INTS3: variants seen among roughly 807,000 people sequenced by gnomAD.
INTS3 encodes the protein SOSS complex subunit A.
INTS3 carries 34 observed loss-of-function variants against 146.3 expected under a neutral mutation model. The ratio of observed to expected loss-of-function variants is 0.23; its 90% CI spans 0.18 to 0.31. The LOEUF (loss-of-function observed/expected upper bound fraction) is 0.31, where lower values mean the gene tolerates loss of function less well. INTS3 is among the 10% of genes least tolerant of loss of function. The pLI, the probability that INTS3 is intolerant of heterozygous loss-of-function variation, is 1.00. For missense variants in INTS3, 757 were observed against 1,304.2 expected (o/e 0.58, Z 6.46); for synonymous variants, 475 against 494.9 (o/e 0.96, Z 0.53).
At chr1:153,767,867 G>A in intron 21 of INTS3, 40 bp downstream of exon 21, 1 of 1,555,124 alleles carries the variant, frequency 6.4e-7, no homozygotes, top group South Asian at 1.2e-5. Context: ...GGGGCTCACA[G>A]GAACACACCT....
intron 1 of INTS3, among the ~76,000 whole-genome samples, chr1:153,738,256 G>A (rs1384773447): frequency 1.3e-5 from 2 of 151,938 alleles, no homozygotes; most frequent in Non-Finnish European, 2.9e-5. Context: ...GCACAACCAT[G>A]CTCAGCTAAT....
At chr1:153,763,801 C>T in intron 16 of INTS3, 31 bp from the exon 17 acceptor site, 1 of 1,602,054 alleles carries the variant, frequency 6.2e-7, no homozygotes, top group Admixed American at 1.7e-5. Context: ...CATTTATGTC[C>T]CTGGGATTTC....
At chr1:153,744,061 G>A (rs1049755354) in intron 3 of INTS3, among the ~76,000 whole-genome samples, 1 of 151,770 alleles carries the variant, frequency 6.6e-6, no homozygotes. Flanking sequence ...GTGTGTGTGT[G>A]TGTGTGTGTG....
At chr1:153,752,061 C>T (rs1445007482) in intron 7 of INTS3, 2 of 554,066 alleles carry the variant, frequency 3.6e-6, no homozygotes, top group Non-Finnish European at 6.3e-6. Flanking sequence ...TTCAGCACTT[C>T]CCACTAACCT....
chr1:153,734,283 G>GGGAGCCTACA (rs1671203265), intron 1 of INTS3, among the ~76,000 whole-genome samples: 1 of 152,198 alleles, frequency 6.6e-6, no homozygotes, highest in African/African-American at 2.4e-5. Context: ...TGATTGTAGG[G>GGGAGCCTACA]ATCTGGCTTC....
chr1:153,733,850 C>T (rs1200526573), intron 1 of INTS3, among the ~76,000 whole-genome samples: 1 of 150,858 alleles, frequency 6.6e-6, no homozygotes, highest in Non-Finnish European at 1.5e-5. Context: ...TGATTCGCCC[C>T]CCTCAGCCTC....
intron 16 of INTS3, 86 bp from the exon 17 acceptor site, chr1:153,763,746 G>C: frequency 8.8e-7 from 1 of 1,132,848 alleles, no homozygotes. Context: ...GTGCATGTGA[G>C]TGTGCTTGTG....
At chr1:153,734,851 GT>G (rs1306704138) in intron 1 of INTS3, among the ~76,000 whole-genome samples, 1 of 152,200 alleles carries the variant, frequency 6.6e-6, no homozygotes, top group Non-Finnish European at 1.5e-5. Flanking sequence ...TGTGGTAGGA[GT>G]TTTCAGGAAT....
chr1:153,771,675 G>A, intron 25 of INTS3, 121 bp from the exon 26 acceptor site: 2 of 908,412 alleles, frequency 2.2e-6, no homozygotes, highest in Non-Finnish European at 3.4e-6. Flanking sequence ...GGAGAAGAGG[G>A]AGAGGGATGT....
chr1:153,761,517 A>G, intron 13 of INTS3, 53 bp from the exon 14 acceptor site: 1 of 1,348,736 alleles, frequency 7.4e-7, no homozygotes, highest in South Asian at 1.2e-5. Context: ...TCTCAAAAAA[A>G]AATAAAAATA....
intron 6 of INTS3, chr1:153,750,861 A>G (rs1671930811): frequency 2.1e-6 from 1 of 470,708 alleles, no homozygotes; most frequent in East Asian, 3.3e-5. Context: ...TTCATTTGGC[A>G]CTTATCTTTA....
In INTS3 at chr1:153,763,835, T is replaced by TA. The variant is rs1558006173; in HGVS notation, c.1771dup (p.Thr591AsnfsTer6). 1.2e-6 allele frequency: 2 copies of TA among 1,613,816 alleles called. No individual in the cohort carries two copies. Among genetic ancestry groups the TA allele is most frequent in the Admixed American group, 1.7e-5 (1 of 60,010 alleles). On this transcript the variant is annotated frameshift_variant, in exon 17 of 30. Transcript: ENST00000318967. LOFTEE classifies it high-confidence loss of function. ...TCCTCTCATTTCTGTCCTGCAGTGA[T>TA]ACGGAGGCCCAGTGTGAGGTCATGC...
In INTS3 at chr1:153,774,002, T is replaced by G. The variant is rs1673031916; in HGVS notation, c.*732T>G. 2 of 165,798 alleles carry G rather than the reference T, an allele frequency of 1.2e-5. No homozygotes were observed. Among genetic ancestry groups the G allele is most frequent in the East Asian group, 1.9e-4 (1 of 5,172 alleles). The allele number at this position is 165,798 out of a possible 1,614,324, so 10.3% of individuals were successfully genotyped here. On this transcript the variant is annotated 3_prime_UTR_variant, in exon 30 of 30. Transcript: ENST00000318967. ...CTTGAGTCTGTTTTTTTTTTTGTTT[T>G]TTTTTGTTTTTTTTTTGGCAGAGAT...
At chr1:153,740,779 G>A (rs937213549) in intron 2 of INTS3, 45 bp downstream of exon 2, 3 of 1,444,488 alleles carry the variant, frequency 2.1e-6, no homozygotes, top group Non-Finnish European at 2.9e-6. Context: ...TGCTGTGAAG[G>A]TCTTGAAACA....
Position 153,760,370 on chromosome 1 carries a change from C to G in INTS3, c.1297C>G (p.Leu433Val). Residue 433 changes from leucine to valine, a missense_variant, in exon 12 of 30, where the codon CTC becomes GTC. By Grantham distance (32) the Leu-to-Val change is conservative (BLOSUM62 1). Transcript: ENST00000318967. ...GCCCCACCCAGCCATCACTGCCACA[C>G]TCCTGGACTTCATGTGCCGCGTAAG... ...MKPHPAITATLLDFMCRIIPN... is the reference protein window; with the variant it reads ...MKPHPAITATVLDFMCRIIPN... The G allele has an allele frequency of 6.2e-7, 1 of 1,613,914 alleles. No homozygotes were observed. Among genetic ancestry groups the G allele is most frequent in the Non-Finnish European group, 8.5e-7 (1 of 1,179,860 alleles).
In INTS3 at chr1:153,752,355, T is replaced by A. The variant is rs764939662; in HGVS notation, c.806T>A (p.Leu269Gln). The A allele has an allele frequency of 6.2e-7, 1 of 1,613,830 alleles. No homozygotes were observed. The highest frequency in any genetic ancestry group is 2.2e-5 in the East Asian group (1 of 44,874). ...QNVARIPEFE[L>Q]LWKDIIHNPQ... ...GTTGCTAGGATACCAGAATTTGAAC[T>A]GCTTTGGAAAGATATTATCCATAAT... is the stretch of plus-strand genomic sequence containing the variant. Residue 269 changes from leucine (L) to glutamine (Q), a missense_variant, in exon 8 of 30, where the codon CTG becomes CAG. Leu to Gln is a moderately radical substitution (Grantham distance 113). Around this residue, in one of 8 missense-constraint regions of INTS3, gnomAD observed 134 missense variants for 243.1 expected, o/e 0.55. Coordinates refer to ENST00000318967, the MANE Select transcript of INTS3 (RefSeq NM_023015.5).
Position 153,770,284 on chromosome 1 carries a change from C to A in INTS3, c.2476C>A (p.Pro826Thr), listed in dbSNP as rs1672788220. The change falls in exon 24 of 30, where the codon CCC becomes ACC. Residue 826 changes from proline to threonine, a missense_variant. Around this residue, in one of 8 missense-constraint regions of INTS3, gnomAD observed 116 missense variants for 226.5 expected, o/e 0.51. Transcript: ENST00000318967. Reference protein sequence around the residue: ...AHNIPLETIIPILQHLKYKEH... With the variant: ...AHNIPLETIITILQHLKYKEH... ...CAATATTCCCCTGGAGACCATAATC[C>A]CCATCCTGCAGCACCTCAAATACAA... 1.2e-6 allele frequency: 2 copies of A among 1,612,046 alleles called. No individual in the cohort carries two copies. Among genetic ancestry groups the A allele is most frequent in the African/African-American group, 2.7e-5 (2 of 74,836 alleles).
intron 29 of INTS3, 43 bp from the exon 30 acceptor site, chr1:153,773,150 G>T (rs1247709305): frequency 6.2e-7 from 1 of 1,613,358 alleles, no homozygotes; most frequent in Non-Finnish European, 8.5e-7. Flanking sequence ...GCCAGCAGCT[G>T]CCCAGGCTGT....
At chr1:153,730,587 GTTC>G (rs1236271834) in intron 1 of INTS3, among the ~76,000 whole-genome samples, 3 of 152,136 alleles carry the variant, frequency 2.0e-5, no homozygotes, top group South Asian at 2.1e-4. Context: ...ACAGCATCCT[GTTC>G]TTCTGAGCAG....
Sources: gnomAD v4.1 joint callset for allele counts (sites outside exome capture counted in the v4.1 genomes callset) on GRCh38, gnomAD v4.1.1 for gene constraint, gnomAD v4.1.1 regional missense constraint, MANE v1.5 for transcripts, NCBI Gene and HGNC (gene_info 2026-07-23, HGNC 2026-07-21) for gene names.